GRID2: variants seen among roughly 807,000 people sequenced by gnomAD.
GRID2 encodes glutamate receptor ionotropic, delta-2.
Under a neutral mutation model 114.8 loss-of-function variants are expected in GRID2, and 33 were observed. The observed-to-expected ratio is 0.29, with a 90% CI of 0.22 to 0.38. GRID2 has a LOEUF of 0.38. GRID2 is among the 10% of genes least tolerant of loss of function. GRID2 has a pLI of 1.00. For missense variants in GRID2, 1,184 were observed against 1,257.7 expected, an observed-to-expected ratio of 0.94 and a Z score of 0.89; for synonymous variants, 505 against 449.9, an observed-to-expected ratio of 1.12 and a Z score of -1.55.
intron 1 of GRID2, among the ~76,000 whole-genome samples, chr4:92,546,511 G>A (rs929264402): frequency 6.6e-6 from 1 of 152,086 alleles, no homozygotes; most frequent in Non-Finnish European, 1.5e-5. Context: ...TAACTAAGAA[G>A]GTCTTCTAAT....
intron 4 of GRID2, among the ~76,000 whole-genome samples, chr4:93,124,888 A>G (rs1274413749): frequency 6.6e-6 from 1 of 152,196 alleles, no homozygotes; most frequent in African/African-American, 2.4e-5. Flanking sequence ...AATTAAACTT[A>G]TATGTGTCTA....
At chr4:92,688,967 G>A (rs1734052996) in intron 2 of GRID2, among the ~76,000 whole-genome samples, 1 of 152,180 alleles carries the variant, frequency 6.6e-6, no homozygotes, top group Non-Finnish European at 1.5e-5. Flanking sequence ...TGCAGAATGG[G>A]TGTTGTGTTA....
chr4:92,768,747 C>T (rs888725181), intron 2 of GRID2, among the ~76,000 whole-genome samples: 1 of 152,130 alleles, frequency 6.6e-6, no homozygotes, highest in East Asian at 1.9e-4. Flanking sequence ...GATAAACTCC[C>T]ATTTTTAAAC....
At chr4:93,039,467 T>TTA (rs1211434824) in intron 2 of GRID2, among the ~76,000 whole-genome samples, 1 of 152,046 alleles carries the variant, frequency 6.6e-6, no homozygotes, top group Non-Finnish European at 1.5e-5. Context: ...TAAAGTATAA[T>TTA]TATATATATA....
At chr4:92,522,343 G>C (rs566521681) in intron 1 of GRID2, among the ~76,000 whole-genome samples, 1 of 151,960 alleles carries the variant, frequency 6.6e-6, no homozygotes, top group Non-Finnish European at 1.5e-5. Flanking sequence ...CAGTACAAAA[G>C]ATGAACAGAG....
rs1320675978 is a variant in GRID2, at chr4:93,244,564, T to C, written c.1245+6074T>C. ...ATTAATTAATAGATTATATAATCTA[T>C]TATATATTAATTAATAGATTATATA... On this transcript the variant is annotated intron_variant, in intron 8 of 15. Transcript: ENST00000282020. Among the ~76,000 whole-genome samples the C allele has an allele frequency of 1.4e-4, 5 of 36,336 alleles. 1 individual carries two copies. Among genetic ancestry groups the C allele is most frequent in the Non-Finnish European group, 1.6e-4 (3 of 18,434 alleles). 23.8% of individuals were successfully genotyped at this position (36,336 alleles called of 152,430 possible).
At chr4:92,343,443 CAT>C (rs1336872715) in intron 1 of GRID2, among the ~76,000 whole-genome samples, 1 of 152,098 alleles carries the variant, frequency 6.6e-6, no homozygotes, top group Non-Finnish European at 1.5e-5. Context: ...CAAAAATACT[CAT>C]ATAACTTTTT....
intron 2 of GRID2, among the ~76,000 whole-genome samples, chr4:93,019,060 A>G (rs1405004895): frequency 6.6e-6 from 1 of 152,148 alleles, no homozygotes; most frequent in Non-Finnish European, 1.5e-5. Context: ...AAATCAGAGG[A>G]TGTTGTGAAA....
intron 4 of GRID2, among the ~76,000 whole-genome samples, chr4:93,120,712 G>A (rs545036737): frequency 6.6e-6 from 1 of 152,256 alleles, no homozygotes; most frequent in East Asian, 1.9e-4. Context: ...CCAGCACTTT[G>A]GGAGGCTGAG....
intron 8 of GRID2, among the ~76,000 whole-genome samples, chr4:93,289,863 C>G (rs889842492): frequency 6.6e-6 from 1 of 151,726 alleles, no homozygotes; most frequent in South Asian, 2.1e-4. Flanking sequence ...ACAAAATGTT[C>G]GTATGTTAAA....
chr4:93,562,670 T>C (rs1014174951), intron 13 of GRID2, among the ~76,000 whole-genome samples: 1 of 152,110 alleles, frequency 6.6e-6, no homozygotes, highest in African/African-American at 2.4e-5. Context: ...GTGTGTGTTT[T>C]GCATTTAGGT....
intron 1 of GRID2, among the ~76,000 whole-genome samples, chr4:92,567,668 A>G (rs1290419302): frequency 6.6e-6 from 1 of 152,114 alleles, no homozygotes; most frequent in Non-Finnish European, 1.5e-5. Context: ...AACCTCAGAT[A>G]TGATCTCTTG....
chr4:93,128,998 A>AT (rs1734553010), intron 4 of GRID2, among the ~76,000 whole-genome samples: 1 of 152,222 alleles, frequency 6.6e-6, no homozygotes, highest in Non-Finnish European at 1.5e-5. Flanking sequence ...ATTGATTGCC[A>AT]TGAAAGCAAA....
chr4:93,352,201 C>T lies in GRID2; in HGVS notation c.1246-43406C>T, dbSNP rs1760872478. Among the ~76,000 whole-genome samples the T allele has an allele frequency of 2.6e-5, 4 of 151,946 alleles. No homozygotes were observed. In the South Asian group the frequency reaches 8.3e-4, roughly 31 times the overall value. On this transcript the variant is annotated intron_variant, in intron 8 of 15. Coordinates refer to ENST00000282020, the MANE Select transcript of GRID2 (RefSeq NM_001510.4). The stretch of plus-strand genomic sequence containing the variant: ...TCTCATCAGAGGGACAGGTGGAGAT[C>T]ATTGAATCATAATCAAGGTTCATTG...
chr4:93,675,722 A>G (rs984399843), intron 14 of GRID2, among the ~76,000 whole-genome samples: 3 of 152,202 alleles, frequency 2.0e-5, no homozygotes, highest in African/African-American at 7.2e-5. Flanking sequence ...GAGAAAGGGG[A>G]AAATGGCCTG....
In GRID2 at chr4:93,115,424, T is replaced by C. The variant is rs999305590; in HGVS notation, c.735+4471T>C. On this transcript the variant is annotated intron_variant, in intron 4 of 15. Coordinates refer to ENST00000282020, the MANE Select transcript of GRID2 (RefSeq NM_001510.4). ...ACAGACACACACACACACACACACA[T>C]TTTTATTATTTTTCTTACATAAATA... is the stretch of plus-strand genomic sequence containing the variant. Among the ~76,000 whole-genome samples, 14 of 65,638 alleles carry C rather than the reference T, an allele frequency of 2.1e-4. 1 individual carries two copies. In the Admixed American group the frequency reaches 2.1e-3, roughly 10 times the overall value. The allele number at this position is 65,638 out of a possible 152,430, so 43.1% of individuals were successfully genotyped here. A position where few individuals can be genotyped will look rare whatever the true frequency, so the allele number is the denominator to read the frequency against.
chr4:93,432,677 A>G (rs1267792243), intron 10 of GRID2, among the ~76,000 whole-genome samples: 1 of 152,168 alleles, frequency 6.6e-6, no homozygotes, highest in Non-Finnish European at 1.5e-5. Context: ...CTAATGATGG[A>G]TACACTGCTG....
At chr4:92,932,398 T>C (rs1750311580) in intron 2 of GRID2, among the ~76,000 whole-genome samples, 1 of 150,982 alleles carries the variant, frequency 6.6e-6, no homozygotes, top group African/African-American at 2.4e-5. Context: ...TGCACACACA[T>C]TAACAATACC....
intron 11 of GRID2, among the ~76,000 whole-genome samples, chr4:93,483,513 G>C (rs1197018969): frequency 6.6e-6 from 1 of 151,758 alleles, no homozygotes; most frequent in Non-Finnish European, 1.5e-5. Flanking sequence ...ACAATTAATT[G>C]CTTTTTCATA....
Sources: gnomAD v4.1 joint callset for allele counts (sites outside exome capture counted in the v4.1 genomes callset) on GRCh38, gnomAD v4.1.1 for gene constraint, MANE v1.5 for transcripts, NCBI Gene and HGNC (gene_info 2026-07-23, HGNC 2026-07-21) for gene names.